The following FAM117B variants were observed in gnomAD, a reference collection of about 807,000 sequenced individuals.
FAM117B encodes protein FAM117B.
In FAM117B, 22 loss-of-function variants were observed where a neutral mutation model predicts 52.8. The observed-to-expected ratio is 0.42, with a 90% CI of 0.30 to 0.59. The LOEUF is 0.59. Among genes scored for constraint, FAM117B ranks in the 20% least tolerant of loss-of-function variants. FAM117B has a pLI of 0.22. For synonymous variants in FAM117B, 309 were observed against 324.1 expected (o/e 0.95, Z 0.50); for missense variants, 678 against 802.6 (o/e 0.84, Z 1.88).
chr2:202,735,500 T>C (rs1559112433), intron 4 of FAM117B, among the ~76,000 whole-genome samples: 2 of 152,178 alleles, frequency 1.3e-5, no homozygotes, highest in South Asian at 2.1e-4. Context: ...CATGTTTTTT[T>C]CCCCTGGAAA....
At chr2:202,720,614 T>G (rs551446910) in intron 2 of FAM117B, among the ~76,000 whole-genome samples, 38 of 152,212 alleles carry the variant, frequency 2.5e-4, no homozygotes, top group African/African-American at 9.1e-4. Context: ...CTTTTTTTTT[T>G]TTAATGACCC....
At chr2:202,675,714 G>T (rs1320602231) in intron 1 of FAM117B, among the ~76,000 whole-genome samples, 1 of 152,068 alleles carries the variant, frequency 6.6e-6, no homozygotes, top group African/African-American at 2.4e-5. Flanking sequence ...GCTGGGTGTG[G>T]CAGCTCACCC....
intron 1 of FAM117B, among the ~76,000 whole-genome samples, chr2:202,673,743 C>T (rs567372097): frequency 2.6e-5 from 4 of 151,940 alleles, no homozygotes; most frequent in Non-Finnish European, 5.9e-5. Flanking sequence ...CCACTGTGCC[C>T]GGCCTACCCT....
chr2:202,672,218 T>G (rs938825257), intron 1 of FAM117B, among the ~76,000 whole-genome samples: 2 of 152,198 alleles, frequency 1.3e-5, no homozygotes, highest in Non-Finnish European at 2.9e-5. Flanking sequence ...TGCCTCCCCC[T>G]CCTTTTTGTT....
intron 1 of FAM117B, among the ~76,000 whole-genome samples, chr2:202,671,765 T>C (rs906841318): frequency 1.1e-4 from 16 of 152,204 alleles, no homozygotes; most frequent in African/African-American, 3.6e-4. Flanking sequence ...CCCACGCTGG[T>C]TCACTTTATT....
chr2:202,635,987 G>T (rs1329643571), intron 1 of FAM117B, among the ~76,000 whole-genome samples, 199 bp downstream of exon 1: 2 of 54,492 alleles, frequency 3.7e-5, no homozygotes, highest in East Asian at 1.7e-3. Flanking sequence ...CCGCCCGCCC[G>T]CCCGCCTCAT....
At chr2:202,640,687 G>A (rs1205899921) in intron 1 of FAM117B, among the ~76,000 whole-genome samples, 1 of 151,454 alleles carries the variant, frequency 6.6e-6, no homozygotes, top group Non-Finnish European at 1.5e-5. Context: ...TCGGCTCACT[G>A]CAACCTCTGC....
Position 202,765,796 on chromosome 2 carries a change from A to G in FAM117B, c.*32A>G, listed in dbSNP as rs753463833. The G allele has an allele frequency of 5.0e-6, 8 of 1,598,760 alleles. No homozygotes were observed. Among genetic ancestry groups the G allele is most frequent in the Non-Finnish European group, 6.8e-6 (8 of 1,170,870 alleles). The stretch of plus-strand genomic sequence containing the variant: ...GTGCAACGTGGCTGTTGTTCTGGGA[A>G]ATTGGGAACCTCCTCAGATCACTGG... On this transcript the variant is annotated 3_prime_UTR_variant, in exon 8 of 8. Transcript: ENST00000392238.
chr2:202,671,095 A>G (rs1690290850), intron 1 of FAM117B, among the ~76,000 whole-genome samples: 1 of 152,216 alleles, frequency 6.6e-6, no homozygotes, highest in South Asian at 2.1e-4. Flanking sequence ...ATTTAAACAT[A>G]TTGCTTCCCA....
At chr2:202,720,426 TGC>T (rs58001779) in intron 2 of FAM117B, among the ~76,000 whole-genome samples, 40,109 of 150,170 alleles carry the variant, frequency 0.27, 5,635 homozygotes, top group Middle Eastern at 0.31. Context: ...TGTGTGTGTG[TGC>T]GCTGCAATTT....
intron 1 of FAM117B, among the ~76,000 whole-genome samples, chr2:202,694,589 A>G (rs1377352955): frequency 6.6e-6 from 1 of 152,020 alleles, no homozygotes; most frequent in Non-Finnish European, 1.5e-5. Context: ...TTATTTTACT[A>G]TTTTAATTTA....
intron 2 of FAM117B, among the ~76,000 whole-genome samples, chr2:202,722,982 C>G (rs983981891): frequency 2.0e-5 from 3 of 151,992 alleles, no homozygotes; most frequent in Admixed American, 6.6e-5. Flanking sequence ...ACTTAAAGAG[C>G]CTGTGGATCC....
intron 4 of FAM117B, among the ~76,000 whole-genome samples, chr2:202,733,144 AG>A (rs1691383479): frequency 6.6e-6 from 1 of 152,210 alleles, no homozygotes; most frequent in Non-Finnish European, 1.5e-5. Flanking sequence ...CAAAACCAGC[AG>A]GTTTTCATTA....
rs74909074 is a variant in FAM117B at position 202,661,586 on chromosome 2, C to T, written c.601+25798C>T. Among the ~76,000 whole-genome samples, 553 of 152,144 alleles carry T rather than the reference C, an allele frequency of 3.6e-3. 6 individuals are homozygous for T. The highest frequency in any genetic ancestry group is 0.012 in the African/African-American group (512 of 41,522). The stretch of plus-strand genomic sequence containing the variant: ...CCTGGGCCTTTACAGACTCCAGAGT[C>T]GCTCATCCACTTGCTGAGTCAGCTA... On this transcript the variant is annotated intron_variant, in intron 1 of 7. Coordinates refer to ENST00000392238, the MANE Select transcript of FAM117B (RefSeq NM_173511.4).
chr2:202,681,750 C>T lies in FAM117B; in HGVS notation c.602-14131C>T, dbSNP rs533764632. ...CTAAGTTGCATTGTAGAACACTCAG[C>T]GACAGTGATAGGGACAGGAGGCAGG... is the stretch of plus-strand genomic sequence containing the variant. On this transcript the variant is annotated intron_variant, in intron 1 of 7. Transcript: ENST00000392238. Among the ~76,000 whole-genome samples, 197 of 152,290 alleles carry T rather than the reference C, an allele frequency of 1.3e-3. 1 individual carries two copies. The highest frequency in any genetic ancestry group is 3.4e-3 in the African/African-American group (141 of 41,542).
intron 2 of FAM117B, among the ~76,000 whole-genome samples, chr2:202,711,441 A>G (rs1317028499): frequency 1.3e-5 from 2 of 152,186 alleles, no homozygotes; most frequent in Admixed American, 1.3e-4. Flanking sequence ...TATTTTGGCC[A>G]TTAATCCCTT....
At chr2:202,736,033 G>A (rs1481788235) in intron 4 of FAM117B, among the ~76,000 whole-genome samples, 1 of 152,098 alleles carries the variant, frequency 6.6e-6, no homozygotes, top group Non-Finnish European at 1.5e-5. Flanking sequence ...CTTCATCTGG[G>A]CTGAAGACGC....
intron 1 of FAM117B, among the ~76,000 whole-genome samples, chr2:202,677,336 G>T (rs1690394699): frequency 6.6e-6 from 1 of 152,168 alleles, no homozygotes; most frequent in Non-Finnish European, 1.5e-5. Flanking sequence ...AAAGTGCTGG[G>T]ATTACAGGCG....
intron 2 of FAM117B, among the ~76,000 whole-genome samples, chr2:202,718,938 A>G (rs1366821266): frequency 6.6e-6 from 1 of 152,220 alleles, no homozygotes; most frequent in East Asian, 1.9e-4. Flanking sequence ...TCTCTCCTAG[A>G]AGAAGCTCTT....
Sources: gnomAD v4.1 joint callset for allele counts (sites outside exome capture counted in the v4.1 genomes callset) on GRCh38, gnomAD v4.1.1 for gene constraint, MANE v1.5 for transcripts, NCBI Gene and HGNC (gene_info 2026-07-23, HGNC 2026-07-21) for gene names.